The following HPSE2 variants were observed in gnomAD, a reference collection of about 807,000 sequenced individuals.
HPSE2 encodes the protein heparanase 2 (inactive).
HPSE2 carries 38 observed loss-of-function variants against 60.5 expected under a neutral mutation model. That is an observed-to-expected ratio of 0.63 (90% confidence interval 0.48 to 0.82). The LOEUF is 0.82. Among genes scored for constraint, HPSE2 ranks in the 40% least tolerant of loss-of-function variants. The pLI is 0.00. For synonymous variants in HPSE2, 295 were observed against 293.2 expected, an observed-to-expected ratio of 1.01 and a Z score of -0.06; for missense variants, 713 against 740.4, an observed-to-expected ratio of 0.96 and a Z score of 0.43.
chr10:98,667,521 A>G (rs537454994), intron 6 of HPSE2, among the ~76,000 whole-genome samples: 9 of 152,220 alleles, frequency 5.9e-5, no homozygotes, highest in African/African-American at 2.2e-4. Context: ...CAGACACAAA[A>G]ATCTTTAATA....
chr10:98,929,841 C>A (rs1278352035), intron 3 of HPSE2, among the ~76,000 whole-genome samples: 1 of 143,386 alleles, frequency 7.0e-6, no homozygotes, highest in Non-Finnish European at 1.5e-5. Flanking sequence ...TATTTCATGA[C>A]ACAGAAAATT....
At chr10:98,612,184 A>G (rs1945781269) in intron 9 of HPSE2, among the ~76,000 whole-genome samples, 1 of 152,184 alleles carries the variant, frequency 6.6e-6, no homozygotes, top group Admixed American at 6.5e-5. Context: ...GCCTGTTTTC[A>G]TTTCCAGAGT....
At chr10:98,531,096 C>T (rs1564944298) in intron 9 of HPSE2, among the ~76,000 whole-genome samples, 2 of 152,196 alleles carry the variant, frequency 1.3e-5, no homozygotes, top group African/African-American at 4.8e-5. Flanking sequence ...AGTCCTCACC[C>T]TCCAACATTT....
At chr10:98,560,004 A>G (rs2133871279) in intron 9 of HPSE2, among the ~76,000 whole-genome samples, 1 of 152,232 alleles carries the variant, frequency 6.6e-6, no homozygotes, top group South Asian at 2.1e-4. Context: ...TAGGGTGGAA[A>G]ATAAGCTGGA....
chr10:99,106,725 T>C (rs1405561085), intron 3 of HPSE2, among the ~76,000 whole-genome samples: 2 of 152,158 alleles, frequency 1.3e-5, no homozygotes, highest in East Asian at 1.9e-4. Context: ...ATCTTCATAA[T>C]AACCTTATGA....
intron 3 of HPSE2, among the ~76,000 whole-genome samples, chr10:98,783,167 A>T (rs1276253983): frequency 7.6e-5 from 5 of 66,114 alleles, no homozygotes; most frequent in African/African-American, 2.0e-4. Context: ...TTCAATTCCC[A>T]CCTATGAGTG....
chr10:98,742,727 T>G (rs1043854299), intron 4 of HPSE2, among the ~76,000 whole-genome samples: 5 of 151,578 alleles, frequency 3.3e-5, no homozygotes, highest in African/African-American at 1.2e-4. Context: ...CAAATTGTGT[T>G]CCATGGAGTA....
intron 3 of HPSE2, among the ~76,000 whole-genome samples, chr10:98,758,299 C>T (rs1212608533): frequency 1.6e-5 from 2 of 122,162 alleles, no homozygotes; most frequent in Non-Finnish European, 3.4e-5. Flanking sequence ...ATGATGAAAA[C>T]TCCAAAAGCA....
intron 3 of HPSE2, among the ~76,000 whole-genome samples, chr10:99,098,164 C>A (rs2135626470): frequency 6.6e-6 from 1 of 152,130 alleles, no homozygotes; most frequent in South Asian, 2.1e-4. Flanking sequence ...ATTCAATCAA[C>A]CATGTGTTGG....
intron 3 of HPSE2, among the ~76,000 whole-genome samples, chr10:99,046,014 G>A (rs953851189): frequency 1.3e-5 from 2 of 152,020 alleles, no homozygotes; most frequent in African/African-American, 4.8e-5. Flanking sequence ...TAATACCAAA[G>A]CCTGGCAGGA....
chr10:99,175,179 C>T (rs576641322), intron 2 of HPSE2, among the ~76,000 whole-genome samples: 233 of 152,334 alleles, frequency 1.5e-3, no homozygotes, highest in Admixed American at 3.0e-3. Context: ...AGGCACAAAA[C>T]TGGGTGGCCA....
intron 3 of HPSE2, among the ~76,000 whole-genome samples, chr10:99,014,886 C>A (rs1275576000): frequency 6.6e-6 from 1 of 152,246 alleles, no homozygotes. Flanking sequence ...GAACAGCCAA[C>A]CTACAGAATG....
At chr10:98,741,437 C>A (rs1052123688) in intron 4 of HPSE2, among the ~76,000 whole-genome samples, 4 of 151,972 alleles carry the variant, frequency 2.6e-5, no homozygotes, top group Non-Finnish European at 5.9e-5. Flanking sequence ...AACTATGTAG[C>A]ACAGTCTGAA....
intron 3 of HPSE2, among the ~76,000 whole-genome samples, chr10:98,797,784 C>T (rs571258876): frequency 2.0e-5 from 3 of 151,984 alleles, no homozygotes; most frequent in Admixed American, 1.3e-4. Context: ...ACGGAGGTTG[C>T]GGTGAGCCGA....
At chr10:98,888,951 G>A (rs1376727592) in intron 3 of HPSE2, among the ~76,000 whole-genome samples, 1 of 152,128 alleles carries the variant, frequency 6.6e-6, no homozygotes. Context: ...GGCATTTTGG[G>A]AGGCTGAGGC....
At chr10:98,557,908 C>T (rs1213436283) in intron 9 of HPSE2, among the ~76,000 whole-genome samples, 1 of 152,124 alleles carries the variant, frequency 6.6e-6, no homozygotes, top group East Asian at 1.9e-4. Context: ...GAGATCATGC[C>T]ACTACATCTG....
intron 6 of HPSE2, among the ~76,000 whole-genome samples, chr10:98,689,932 C>T (rs1353442351): frequency 1.3e-5 from 2 of 152,168 alleles, no homozygotes; most frequent in Admixed American, 1.3e-4. Context: ...AAATTTGTGA[C>T]ATTCAAATTC....
chr10:98,459,441 G>C lies in HPSE2; in HGVS notation c.*133C>G. The C allele has an allele frequency of 1.0e-6, 1 of 990,662 alleles. No individual in the cohort carries two copies. The highest frequency in any genetic ancestry group is 1.3e-5 in the South Asian group (1 of 77,032). The allele number at this position is 990,662 out of a possible 1,614,324, so 61.4% of individuals were successfully genotyped here. A position where few individuals can be genotyped will look rare whatever the true frequency, so the allele number is the denominator to read the frequency against. ...GACATTTAGTCTCTTTGGAGAGCAA[G>C]TCTGTGTTGATTCCAGCAGGATGGG... On this transcript the variant is annotated 3_prime_UTR_variant, in exon 12 of 12. Transcript: ENST00000370552.
At chr10:98,651,651 G>T (rs1273778572) in intron 6 of HPSE2, among the ~76,000 whole-genome samples, 1 of 151,968 alleles carries the variant, frequency 6.6e-6, no homozygotes, top group African/African-American at 2.4e-5. Context: ...ATATCAGCAT[G>T]TTATCTTCTT....
Sources: gnomAD v4.1 joint callset for allele counts (sites outside exome capture counted in the v4.1 genomes callset) on GRCh38, gnomAD v4.1.1 for gene constraint, MANE v1.5 for transcripts, NCBI Gene and HGNC (gene_info 2026-07-23, HGNC 2026-07-21) for gene names.